RIMS2: variants seen among roughly 807,000 people sequenced by gnomAD.
RIMS2 encodes the protein regulating synaptic membrane exocytosis 2.
RIMS2 carries 59 observed loss-of-function variants against 174.4 expected under a neutral mutation model. That is an observed-to-expected ratio of 0.34 (90% CI 0.27 to 0.42). The LOEUF (loss-of-function observed/expected upper bound fraction) is 0.42, where lower values mean the gene tolerates loss of function less well. Ranked by LOEUF, RIMS2 falls within the 10% of genes least tolerant of loss-of-function variation. The pLI, the probability that RIMS2 is intolerant of heterozygous loss-of-function variation, is 1.00. For missense variants in RIMS2, 1,620 were observed against 1,666.3 expected (o/e 0.97, Z 0.48); for synonymous variants, 606 against 572.5 (o/e 1.06, Z -0.84).
chr8:103,757,004 TGTGTGTGAGAGAGA>T (rs1316221453), intron 2 of RIMS2, among the ~76,000 whole-genome samples: 1 of 130,588 alleles, frequency 7.7e-6, no homozygotes, highest in East Asian at 2.1e-4. Flanking sequence ...TGTGTGTGTG[TGTGTGTGAGAGAGA>T]GAGAGAGAGA....
chr8:104,036,451 T>A (rs918659318), intron 19 of RIMS2, among the ~76,000 whole-genome samples: 3 of 151,936 alleles, frequency 2.0e-5, no homozygotes, highest in African/African-American at 7.2e-5. Context: ...CCACCCGGTC[T>A]GGAAATAAAT....
At chr8:104,174,103 C>T (rs965176305) in intron 19 of RIMS2, among the ~76,000 whole-genome samples, 9 of 151,932 alleles carry the variant, frequency 5.9e-5, no homozygotes, top group South Asian at 2.1e-4. Context: ...CCTGCCACCA[C>T]GCCCAGCTAA....
At chr8:103,751,703 G>A (rs368026613) in intron 2 of RIMS2, among the ~76,000 whole-genome samples, 14 of 151,296 alleles carry the variant, frequency 9.3e-5, no homozygotes, top group Non-Finnish European at 1.5e-5. Context: ...GCCAGTGATG[G>A]TGAGCATTTT....
At chr8:103,694,763 G>T (rs1231426949) in intron 1 of RIMS2, among the ~76,000 whole-genome samples, 1 of 152,184 alleles carries the variant, frequency 6.6e-6, no homozygotes, top group Non-Finnish European at 1.5e-5. Flanking sequence ...TGATTGAACT[G>T]CAGGGCCTGG....
intron 19 of RIMS2, among the ~76,000 whole-genome samples, chr8:104,053,215 CACA>C (rs753493416): frequency 5.1e-4 from 77 of 152,266 alleles, no homozygotes; most frequent in Non-Finnish European, 9.4e-4. Context: ...CAGTAAACCA[CACA>C]ACATGTTGCA....
At chr8:103,877,746 A>AT (rs972494191) in intron 3 of RIMS2, among the ~76,000 whole-genome samples, 11 of 149,996 alleles carry the variant, frequency 7.3e-5, no homozygotes, top group Non-Finnish European at 1.3e-4. Flanking sequence ...GAACGTTAGG[A>AT]TTTTTTTTTA....
intron 3 of RIMS2, among the ~76,000 whole-genome samples, chr8:103,820,559 A>G (rs1041031188): frequency 4.6e-5 from 7 of 151,924 alleles, no homozygotes; most frequent in Non-Finnish European, 1.0e-4. Flanking sequence ...TTGGAGATTA[A>G]AAAAATACCG....
At position 103,694,148 on chromosome 8, in the gene RIMS2, A is replaced by C. The variant is rs1270050718; in HGVS notation, c.177-2938A>C. Among the ~76,000 whole-genome samples, 4 of 152,212 alleles carry C rather than the reference A, an allele frequency of 2.6e-5. No individual in the cohort carries two copies. In the East Asian group the frequency reaches 7.7e-4, roughly 29 times the overall value. ...TGTGGCTTTGTAAGGGCTGGCCTGG[A>C]GGGTGGGCCTCAGGGACCAGCATGG... On this transcript the variant is annotated intron_variant, in intron 1 of 23. Coordinates refer to ENST00000504942, the Ensembl canonical transcript of RIMS2.
chr8:104,129,083 A>G (rs1449045963), intron 19 of RIMS2, among the ~76,000 whole-genome samples: 1 of 152,194 alleles, frequency 6.6e-6, no homozygotes, highest in African/African-American at 2.4e-5. Context: ...AAGGGAAAAA[A>G]GTGAGACTTA....
intron 12 of RIMS2, among the ~76,000 whole-genome samples, chr8:103,934,863 A>G (rs571642756): frequency 6.6e-6 from 1 of 152,084 alleles, no homozygotes; most frequent in South Asian, 2.1e-4. Context: ...GTTCCTGGCT[A>G]ATTTTTTGTA....
chr8:103,858,778 A>G (rs1223718030), intron 3 of RIMS2, among the ~76,000 whole-genome samples: 1 of 151,776 alleles, frequency 6.6e-6, no homozygotes, highest in Non-Finnish European at 1.5e-5. Context: ...ATTATAATAT[A>G]CAACAAAATA....
chr8:103,975,452 T>C, exon 16 of RIMS2: 2 of 1,611,190 alleles, frequency 1.2e-6, no homozygotes, highest in East Asian at 2.2e-5. Flanking sequence ...CCTCATCGAG[T>C]AGATGTTATA....
intron 16 of RIMS2, among the ~76,000 whole-genome samples, chr8:103,983,837 G>A (rs1282222175): frequency 6.6e-6 from 1 of 152,074 alleles, no homozygotes; most frequent in Non-Finnish European, 1.5e-5. Context: ...CATTCATCTT[G>A]GCAACAATTT....
At chr8:103,980,512 GT>G (rs1245853347) in intron 16 of RIMS2, among the ~76,000 whole-genome samples, 1 of 152,140 alleles carries the variant, frequency 6.6e-6, no homozygotes, top group African/African-American at 2.4e-5. Flanking sequence ...AGTGGTGGCT[GT>G]GATGAAAGAC....
At chr8:103,706,684 T>C (rs1020017966) in intron 2 of RIMS2, among the ~76,000 whole-genome samples, 2 of 152,264 alleles carry the variant, frequency 1.3e-5, no homozygotes, top group Middle Eastern at 3.4e-3. Flanking sequence ...CTTTATATGT[T>C]ATTTGCTTCT....
At chr8:103,764,935 TA>T (rs981346375) in intron 2 of RIMS2, among the ~76,000 whole-genome samples, 1 of 152,038 alleles carries the variant, frequency 6.6e-6, no homozygotes, top group Non-Finnish European at 1.5e-5. Context: ...AAGAACAAAA[TA>T]ATAAAAATGA....
chr8:103,753,845 G>C (rs947569354), intron 2 of RIMS2, among the ~76,000 whole-genome samples: 3 of 152,136 alleles, frequency 2.0e-5, no homozygotes, highest in Middle Eastern at 3.4e-3. Flanking sequence ...CTTGCTAGTG[G>C]TCTATCAATT....
intron 19 of RIMS2, among the ~76,000 whole-genome samples, chr8:104,183,069 A>G (rs1302821087): frequency 6.6e-6 from 1 of 151,766 alleles, no homozygotes; most frequent in Non-Finnish European, 1.5e-5. Context: ...ACTTTTACCC[A>G]TATTAAATGT....
Position 103,612,520 on chromosome 8 carries a change from G to C in RIMS2, c.177-84566G>C, listed in dbSNP as rs2095405422. The stretch of plus-strand genomic sequence containing the variant: ...AGACTCATACAGGTACCACTTTGGT[G>C]GCCTTGTATAACATCTGGAAGAATT... On this transcript the variant is annotated intron_variant, in intron 1 of 23. Transcript: ENST00000504942. Among the ~76,000 whole-genome samples the C allele has an allele frequency of 2.0e-5, 3 of 152,172 alleles. No individual in the cohort carries two copies. The South Asian group carries it at 6.2e-4, about 31-fold the overall frequency.
Sources: allele counts gnomAD v4.1 joint callset (sites outside exome capture counted in the v4.1 genomes callset), GRCh38; gene constraint gnomAD v4.1.1; transcripts MANE v1.5; gene names NCBI Gene and HGNC (gene_info 2026-07-23, HGNC 2026-07-21).